PCDH15: variants seen among roughly 807,000 people sequenced by gnomAD.
PCDH15 encodes the protein protocadherin-15.
In PCDH15, 129 loss-of-function variants were observed where a neutral mutation model predicts 178.5. That is an observed-to-expected ratio of 0.72 (90% CI 0.63 to 0.84). The LOEUF (loss-of-function observed/expected upper bound fraction) is 0.84, where lower values mean the gene tolerates loss of function less well. PCDH15 is among the 40% of genes least tolerant of loss of function. The pLI, the probability that PCDH15 is intolerant of heterozygous loss-of-function variation, is 0.00. For synonymous variants in PCDH15, 800 were observed against 732.0 expected (o/e 1.09, Z -1.50); for missense variants, 2,230 against 2,099.9 (o/e 1.06, Z -1.21).
chr10:55,294,945 C>T (rs1459455923), intron 1 of PCDH15, among the ~76,000 whole-genome samples: 1 of 152,080 alleles, frequency 6.6e-6, no homozygotes, highest in East Asian at 1.9e-4. Context: ...GTAAATAGTA[C>T]TTTTCCTGAG....
intron 1 of PCDH15, among the ~76,000 whole-genome samples, chr10:55,209,924 A>G (rs1411218263): frequency 6.6e-6 from 1 of 152,068 alleles, no homozygotes; most frequent in Non-Finnish European, 1.5e-5. Flanking sequence ...AAGGAGACAG[A>G]GGAGGAACAA....
At chr10:54,409,607 C>T (rs918199105) in intron 3 of PCDH15, among the ~76,000 whole-genome samples, 49 of 152,056 alleles carry the variant, frequency 3.2e-4, no homozygotes, top group African/African-American at 1.2e-3. Flanking sequence ...TAACTATTTA[C>T]AGTATATTCA....
At chr10:54,964,240 A>G (rs1292267444) in intron 2 of PCDH15, among the ~76,000 whole-genome samples, 1 of 152,202 alleles carries the variant, frequency 6.6e-6, no homozygotes, top group African/African-American at 2.4e-5. Flanking sequence ...TGTTTATTCA[A>G]AAGAAACCAT....
At position 55,208,681 on chromosome 10, in the gene PCDH15, G is replaced by A. The variant is rs565587326; in HGVS notation, c.-155-42030C>T. Among the ~76,000 whole-genome samples the A allele has an allele frequency of 4.6e-4, 70 of 151,844 alleles. 2 individuals carry two copies. Among genetic ancestry groups the A allele is most frequent in the Admixed American group, 1.3e-4 (2 of 15,250 alleles). On this transcript the variant is annotated intron_variant, in intron 1 of 5. Coordinates refer to the PCDH15 transcript ENST00000458638. ...AAATCATACACTTTTTTTGTCTGCC[G>A]GCTTTTCACATATTTGCTCCTATTC... is the stretch of plus-strand genomic sequence containing the variant.
At chr10:54,170,220 C>T (rs1430054319) in intron 13 of PCDH15, among the ~76,000 whole-genome samples, 2 of 149,976 alleles carry the variant, frequency 1.3e-5, no homozygotes, top group South Asian at 2.1e-4. Flanking sequence ...CGTGCTCTCC[C>T]TGCCAATCGT....
At chr10:55,334,410 C>T (rs543044201) in intron 2 of PCDH15, among the ~76,000 whole-genome samples, 31 of 150,196 alleles carry the variant, frequency 2.1e-4, no homozygotes, top group Non-Finnish European at 4.1e-4. Flanking sequence ...CGGGTTCAAG[C>T]GATTATCCTG....
intron 3 of PCDH15, among the ~76,000 whole-genome samples, chr10:54,852,222 T>C (rs1002840739): frequency 3.3e-5 from 5 of 150,092 alleles, no homozygotes; most frequent in African/African-American, 9.8e-5. Context: ...GCATAATATG[T>C]ATATTGAGTA....
intron 2 of PCDH15, among the ~76,000 whole-genome samples, chr10:55,472,161 T>C (rs1839969108): frequency 6.6e-6 from 1 of 152,210 alleles, no homozygotes; most frequent in Admixed American, 6.5e-5. Context: ...TCTGAGATCA[T>C]CTCTGAAATA....
intron 2 of PCDH15, among the ~76,000 whole-genome samples, chr10:55,109,297 T>G (rs948907569): frequency 6.6e-6 from 1 of 152,230 alleles, no homozygotes; most frequent in Non-Finnish European, 1.5e-5. Context: ...TTTCTTAAAT[T>G]TTTAAGCATT....
At chr10:54,803,190 AAT>A (rs1398244112), upstream of PCDH15, among the ~76,000 whole-genome samples, 1 of 152,178 alleles carries the variant, frequency 6.6e-6, no homozygotes, top group African/African-American at 2.4e-5. Context: ...TCCTACTCTG[AAT>A]ATGACATTTA....
intron 5 of PCDH15, among the ~76,000 whole-genome samples, chr10:54,352,841 T>A (rs186958834): frequency 2.0e-5 from 3 of 152,304 alleles, no homozygotes; most frequent in Admixed American, 2.0e-4. Flanking sequence ...ACTGAAGGAA[T>A]CTTCCACGTT....
intron 2 of PCDH15, among the ~76,000 whole-genome samples, chr10:55,104,534 A>G (rs1842634745): frequency 6.6e-6 from 1 of 152,164 alleles, no homozygotes; most frequent in African/African-American, 2.4e-5. Context: ...TAAAAGATGC[A>G]TTTTCATTAC....
chr10:55,230,579 G>A (rs1047109041), intron 1 of PCDH15, among the ~76,000 whole-genome samples: 1 of 152,014 alleles, frequency 6.6e-6, no homozygotes, highest in East Asian at 1.9e-4. Context: ...AGAAAGCAGG[G>A]TATAAAAGGA....
intron 1 of PCDH15, among the ~76,000 whole-genome samples, chr10:55,176,780 C>CT (rs1460021912): frequency 1.3e-5 from 2 of 152,018 alleles, no homozygotes; most frequent in African/African-American, 2.4e-5. Flanking sequence ...CTAAAGGATG[C>CT]TTTTTTCCTG....
At chr10:55,448,264 C>T (rs1481641067) in intron 2 of PCDH15, among the ~76,000 whole-genome samples, 1 of 151,930 alleles carries the variant, frequency 6.6e-6, no homozygotes, top group Non-Finnish European at 1.5e-5. Context: ...CTGCATTTTT[C>T]ACAAGACTAA....
At chr10:55,463,943 A>G (rs867234378) in intron 2 of PCDH15, among the ~76,000 whole-genome samples, 1 of 52,516 alleles carries the variant, frequency 1.9e-5, no homozygotes, top group African/African-American at 9.9e-5. Flanking sequence ...GAAAGAAAGA[A>G]AGAAAGAAAG....
intron 3 of PCDH15, among the ~76,000 whole-genome samples, chr10:54,439,363 A>T (rs1423385235): frequency 6.6e-6 from 1 of 152,046 alleles, no homozygotes; most frequent in African/African-American, 2.4e-5. Flanking sequence ...CATTAATAAA[A>T]GTAACAAATT....
At chr10:55,291,886 T>A (rs1843016236) in intron 1 of PCDH15, among the ~76,000 whole-genome samples, 1 of 152,248 alleles carries the variant, frequency 6.6e-6, no homozygotes, top group African/African-American at 2.4e-5. Context: ...GCAGGGAAAC[T>A]GCCCCCTATA....
intron 2 of PCDH15, among the ~76,000 whole-genome samples, chr10:55,357,510 T>C (rs2131974289): frequency 6.6e-6 from 1 of 152,094 alleles, no homozygotes; most frequent in Admixed American, 6.6e-5. Flanking sequence ...TTTTATTTAT[T>C]AATTATCTTA....
Sources: gnomAD v4.1 joint callset for allele counts (sites outside exome capture counted in the v4.1 genomes callset) on GRCh38, gnomAD v4.1.1 for gene constraint, MANE v1.5 for transcripts, NCBI Gene and HGNC (gene_info 2026-07-23, HGNC 2026-07-21) for gene names.